Variants in ASCC3 observed in about 807,000 individuals in gnomAD.
ASCC3 encodes ASC-1 complex subunit P200.
A neutral mutation model predicts 256.3 loss-of-function variants in ASCC3; 158 were observed. That is an observed-to-expected ratio of 0.62 (90% confidence interval 0.54 to 0.70). ASCC3 has a LOEUF of 0.70. Ranked by LOEUF, ASCC3 falls within the 30% of genes least tolerant of loss-of-function variation. ASCC3 has a pLI of 0.00. For missense variants in ASCC3, 2,259 were observed against 2,626.0 expected, an observed-to-expected ratio of 0.86 and a Z score of 3.05; for synonymous variants, 948 against 883.4, an observed-to-expected ratio of 1.07 and a Z score of -1.30.
chr6:100,515,013 CAG>C (rs1773952704), intron 39 of ASCC3, among the ~76,000 whole-genome samples: 1 of 152,146 alleles, frequency 6.6e-6, no homozygotes, highest in Non-Finnish European at 1.5e-5. Context: ...TCATATCAGA[CAG>C]AGCCAATTTG....
In ASCC3 at chr6:100,540,237, G is replaced by A. The variant is rs771043245; in HGVS notation, c.5701C>T (p.Arg1901Ter). Residue 1901 changes from arginine to a stop codon, truncating the protein, a stop_gained, in exon 37 of 42, where the codon CGA becomes TGA. Coordinates refer to ENST00000369162, the MANE Select transcript of ASCC3 (RefSeq NM_006828.4). LOFTEE classifies it high-confidence loss of function. Reference sequence around the variant, plus strand: ...TAATCTGGGCAGGGTAGCATGGCTCGGCTGAGATGTGCCTGTAGCAGGAGA... The same window carrying A: ...TAATCTGGGCAGGGTAGCATGGCTCAGCTGAGATGTGCCTGTAGCAGGAGA... Reference protein sequence around the residue: ...AHLLLQAHLSRAMLPCPDYDT... With the variant: ...AHLLLQAHLS 2.5e-6 allele frequency: 4 copies of A among 1,613,816 alleles called. No homozygotes were observed. The highest frequency in any genetic ancestry group is 1.3e-5 in the African/African-American group (1 of 74,870).
intron 13 of ASCC3, among the ~76,000 whole-genome samples, chr6:100,711,885 A>G (rs1293502000): frequency 6.6e-6 from 1 of 152,260 alleles, no homozygotes; most frequent in African/African-American, 2.4e-5. Context: ...ATATTGCAAG[A>G]GAAAAACAAA....
Position 100,625,280 on chromosome 6 carries a change from C to T in ASCC3, c.4697G>A (p.Arg1566His), listed in dbSNP as rs754236970. The T allele has an allele frequency of 9.3e-6, 15 of 1,612,808 alleles. No individual in the cohort carries two copies. The highest frequency in any genetic ancestry group is 3.3e-5 in the South Asian group (3 of 91,066). ...TTCCAAAGCAGTAAGACGAGTTTGA[C>T]GTCTTGATGAGACAAATATCAAAAC... ...KPVLIFVSSR[R>H]QTRLTALELI... Residue 1566 changes from arginine to histidine, a missense_variant, in exon 30 of 42, where the codon CGT becomes CAT. Coordinates refer to ENST00000369162, the MANE Select transcript of ASCC3 (RefSeq NM_006828.4).
At chr6:100,773,516 T>C (rs772320857) in intron 8 of ASCC3, among the ~76,000 whole-genome samples, 2 of 152,192 alleles carry the variant, frequency 1.3e-5, no homozygotes, top group Admixed American at 6.6e-5. Flanking sequence ...CTTTACTTCT[T>C]TGTGCTTCAG....
At chr6:100,599,130 A>G (rs920085973) in intron 34 of ASCC3, among the ~76,000 whole-genome samples, 30 of 152,324 alleles carry the variant, frequency 2.0e-4, no homozygotes, top group African/African-American at 7.2e-4. Context: ...TAAAATTGTA[A>G]CTTGATAGAC....
At chr6:100,753,192 G>T (rs1240078999) in intron 10 of ASCC3, among the ~76,000 whole-genome samples, 2 of 151,206 alleles carry the variant, frequency 1.3e-5, no homozygotes, top group African/African-American at 4.9e-5. Flanking sequence ...AGTTAATGAT[G>T]TTTATATTTC....
intron 4 of ASCC3, among the ~76,000 whole-genome samples, chr6:100,842,843 G>C (rs1772210693): frequency 6.6e-6 from 1 of 151,918 alleles, no homozygotes; most frequent in African/African-American, 2.4e-5. Flanking sequence ...TGTGTGGTGA[G>C]GCATCCTTGT....
intron 4 of ASCC3, among the ~76,000 whole-genome samples, chr6:100,829,046 G>C (rs1183394666): frequency 6.6e-6 from 1 of 152,078 alleles, no homozygotes; most frequent in Non-Finnish European, 1.5e-5. Context: ...TCCACACAAA[G>C]GTTTTCCAAG....
chr6:100,846,026 G>A (rs1218762284), intron 4 of ASCC3, among the ~76,000 whole-genome samples: 2 of 152,084 alleles, frequency 1.3e-5, no homozygotes, highest in African/African-American at 4.8e-5. Flanking sequence ...TAAATAAAGA[G>A]TCAAGTAAAA....
At chr6:100,739,107 T>C (rs1307425907) in intron 10 of ASCC3, among the ~76,000 whole-genome samples, 1 of 152,192 alleles carries the variant, frequency 6.6e-6, no homozygotes, top group Non-Finnish European at 1.5e-5. Flanking sequence ...TATTTTGAGG[T>C]ATGTTCCTTC....
rs705600 is a variant in ASCC3 at position 100,864,228 on chromosome 6, T to C, written c.91-14A>G. 1,108,423 of 1,572,096 alleles carry C rather than the reference T, an allele frequency of 0.71. 393,767 individuals are homozygous for C. The highest frequency in any genetic ancestry group is 0.78 in the East Asian group (34,698 of 44,528). ...AGATCGCTTTATCTGAAACAGAGAT[T>C]ATAATGTAGAAAAGTACTGCTTAAA... is the stretch of plus-strand genomic sequence containing the variant. On this transcript the variant is annotated splice_polypyrimidine_tract_variant and intron_variant, in intron 2 of 41. Transcript: ENST00000369162.
intron 36 of ASCC3, among the ~76,000 whole-genome samples, chr6:100,575,654 G>A (rs973257837): frequency 2.6e-5 from 4 of 151,716 alleles, no homozygotes; most frequent in African/African-American, 7.3e-5. Flanking sequence ...TTTAATATTC[G>A]ATATATAAAT....
chr6:100,795,029 G>A (rs1562301423), intron 8 of ASCC3, among the ~76,000 whole-genome samples: 2 of 152,052 alleles, frequency 1.3e-5, no homozygotes, highest in African/African-American at 4.8e-5. Flanking sequence ...TGGCTCATGG[G>A]GAGCTGATAA....
At chr6:100,630,207 G>A (rs535269332) in intron 26 of ASCC3, among the ~76,000 whole-genome samples, 26 of 152,134 alleles carry the variant, frequency 1.7e-4, no homozygotes, top group African/African-American at 6.3e-4. Flanking sequence ...TTTCTAATCT[G>A]TGTTAAGACT....
intron 5 of ASCC3, among the ~76,000 whole-genome samples, chr6:100,802,155 T>C (rs1769948374): frequency 6.6e-6 from 1 of 151,826 alleles, no homozygotes; most frequent in South Asian, 2.1e-4. Context: ...TTTCAAAAAA[T>C]CAAGTTGTAA....
At chr6:100,790,706 T>G (rs1019844135) in intron 8 of ASCC3, among the ~76,000 whole-genome samples, 2 of 151,950 alleles carry the variant, frequency 1.3e-5, no homozygotes, top group Non-Finnish European at 2.9e-5. Flanking sequence ...GTCTTTAAGT[T>G]TTTAATCTTC....
At chr6:100,564,073 A>C (rs1289161016) in intron 36 of ASCC3, among the ~76,000 whole-genome samples, 1 of 151,700 alleles carries the variant, frequency 6.6e-6, no homozygotes, top group Non-Finnish European at 1.5e-5. Context: ...TTGTTTTTTA[A>C]GGTGTTTCAC....
At chr6:100,625,452 G>A (rs1774180217) in intron 29 of ASCC3, 118 bp from the exon 30 acceptor site, 1 of 1,220,466 alleles carries the variant, frequency 8.2e-7, no homozygotes, top group African/African-American at 1.5e-5. Flanking sequence ...GGCATGAAAT[G>A]TGGCATTATT....
At position 100,589,936 on chromosome 6, in the gene ASCC3, A is replaced by G; in HGVS notation, c.5415+12T>C. 6.2e-7 allele frequency: 1 copy of G among 1,603,832 alleles called. No homozygotes were observed. Among genetic ancestry groups the G allele is most frequent in the Non-Finnish European group, 8.5e-7 (1 of 1,170,890 alleles). On this transcript the variant is annotated intron_variant, in intron 35 of 41. Transcript: ENST00000369162. ...AATCTTTTCAATTAGAATGCATATG[A>G]CTAAGTCATACCTCTCCAATTTCAA...
Sources: allele counts gnomAD v4.1 joint callset (sites outside exome capture counted in the v4.1 genomes callset), GRCh38; gene constraint gnomAD v4.1.1; transcripts MANE v1.5; gene names NCBI Gene and HGNC (gene_info 2026-07-23, HGNC 2026-07-21).